Variants in GAS7 observed in about 807,000 individuals in gnomAD.
GAS7 encodes growth arrest specific 7.
Under a neutral mutation model 71.1 loss-of-function variants are expected in GAS7, and 28 were observed. The ratio of observed to expected loss-of-function variants is 0.39; its 90% CI spans 0.29 to 0.54. The LOEUF (loss-of-function observed/expected upper bound fraction) is 0.54, where lower values mean the gene tolerates loss of function less well. Ranked by LOEUF, GAS7 falls within the 20% of genes least tolerant of loss-of-function variation. GAS7 has a pLI of 0.62. For missense variants in GAS7, 436 were observed against 627.8 expected (o/e 0.69, Z 3.27); for synonymous variants, 258 against 245.8 (o/e 1.05, Z -0.46).
chr17:9,994,802 G>C (rs961880096), intron 2 of GAS7, among the ~76,000 whole-genome samples: 3 of 151,964 alleles, frequency 2.0e-5, no homozygotes, highest in Admixed American at 1.3e-4. Flanking sequence ...CTAATATCCA[G>C]AATCTACAAT....
rs574459519 is a variant in GAS7 at position 10,193,705 on chromosome 17, A to C, written c.183+4503T>G. On this transcript the variant is annotated intron_variant, in intron 1 of 13. Coordinates refer to ENST00000432992, the MANE Select transcript of GAS7 (RefSeq NM_201433.2). ...CTACATGGAGAAAGGCGCCACATGG[A>C]AGAACATCAAAGCACCAGACAGGTG... Among the ~76,000 whole-genome samples, 109 of 152,326 alleles carry C rather than the reference A, an allele frequency of 7.2e-4. 1 individual carries two copies. The highest frequency in any genetic ancestry group is 1.3e-3 in the Non-Finnish European group (87 of 68,028).
chr17:9,923,341 G>A (rs2067887069), intron 11 of GAS7, among the ~76,000 whole-genome samples: 2 of 149,668 alleles, frequency 1.3e-5, no homozygotes, highest in South Asian at 2.1e-4. Flanking sequence ...AAATATCACT[G>A]TACAGAAAAA....
Position 9,994,838 on chromosome 17 carries a change from AAAAC to A in GAS7, c.305-12958_305-12955del, listed in dbSNP as rs369124483. Among the ~76,000 whole-genome samples the A allele has an allele frequency of 1.5e-3, 233 of 152,332 alleles. 2 individuals are homozygous for A. Among genetic ancestry groups the A allele is most frequent in the African/African-American group, 4.9e-3 (202 of 41,568 alleles). On this transcript the variant is annotated intron_variant, in intron 2 of 13. Coordinates refer to ENST00000432992, the MANE Select transcript of GAS7 (RefSeq NM_201433.2). ...GAACTCAAACAAATTTACAAGAAAA[AAAAC>A]AAACAACCCCTTCCCAAAGTCTTAT...
At chr17:10,059,252 T>A (rs1302837538) in intron 1 of GAS7, among the ~76,000 whole-genome samples, 1 of 152,204 alleles carries the variant, frequency 6.6e-6, no homozygotes, top group Non-Finnish European at 1.5e-5. Context: ...AGGCTTCTCC[T>A]GAGAACTCTA....
At chr17:10,060,383 G>A (rs572611399) in intron 1 of GAS7, among the ~76,000 whole-genome samples, 1 of 152,290 alleles carries the variant, frequency 6.6e-6, no homozygotes, top group East Asian at 1.9e-4. Flanking sequence ...ATGACTCCGG[G>A]ATGTGCAACT....
At chr17:10,096,728 G>A (rs1019098724) in intron 1 of GAS7, among the ~76,000 whole-genome samples, 3 of 152,230 alleles carry the variant, frequency 2.0e-5, no homozygotes, top group Non-Finnish European at 2.9e-5. Flanking sequence ...TGGTCTCAGC[G>A]CAGGGAGGAT....
chr17:9,974,447 G>C lies in GAS7; in HGVS notation c.386-4685C>G, dbSNP rs148195497. ...GTGCTTCTGGGGCCTCCAGCCTCTG[G>C]GGGAAGAAAAATGAAATTGGTCAAG... On this transcript the variant is annotated intron_variant, in intron 3 of 13. Coordinates refer to ENST00000432992, the MANE Select transcript of GAS7 (RefSeq NM_201433.2). The surrounding 1 kb of genome is among the most constrained non-coding windows in gnomAD (Gnocchi z 4.0). Among the ~76,000 whole-genome samples, 785 of 149,628 alleles carry C rather than the reference G, an allele frequency of 5.2e-3. 4 individuals carry two copies. Among genetic ancestry groups the C allele is most frequent in the African/African-American group, 0.018 (759 of 41,386 alleles).
In GAS7 at chr17:10,016,602, CAAAAAAAAAA is replaced by C. The variant is rs1158379710; in HGVS notation, c.304+3165_304+3174del. On this transcript the variant is annotated intron_variant, in intron 2 of 13. Coordinates refer to ENST00000432992, the MANE Select transcript of GAS7 (RefSeq NM_201433.2). ...CAACATACTGAAACCCTGTCTCTAC[CAAAAAAAAAA>C]AAAAAAAAAAAACAAAACAAAAAAA... 1.7e-4 allele frequency among the ~76,000 whole-genome samples: 14 copies of C among 84,742 alleles called. No individual in the cohort carries two copies. The South Asian group carries it at 6.3e-3, about 38-fold the overall frequency. The allele number at this position is 84,742 out of a possible 152,430, so 55.6% of individuals were successfully genotyped here.
intron 1 of GAS7, among the ~76,000 whole-genome samples, chr17:10,082,249 C>A (rs1005769911): frequency 1.3e-5 from 2 of 152,074 alleles, no homozygotes; most frequent in African/African-American, 4.8e-5. Flanking sequence ...CATACCAACC[C>A]CAGAACAGTG....
At chr17:10,001,231 G>A (rs2152164800) in intron 2 of GAS7, among the ~76,000 whole-genome samples, 1 of 152,268 alleles carries the variant, frequency 6.6e-6, no homozygotes, top group African/African-American at 2.4e-5. Context: ...AGGAGCAAGA[G>A]GGTTATGCTA....
intron 1 of GAS7, among the ~76,000 whole-genome samples, chr17:10,191,621 A>G (rs954305279): frequency 1.3e-5 from 2 of 151,040 alleles, no homozygotes; most frequent in Non-Finnish European, 2.9e-5. Context: ...TCACGCCTGT[A>G]ATCCCAGCAC....
intron 1 of GAS7, among the ~76,000 whole-genome samples, chr17:10,098,040 T>C (rs2152259653): frequency 9.8e-6 from 1 of 101,872 alleles, no homozygotes; most frequent in East Asian, 2.3e-4. Context: ...CAAGACTCCA[T>C]CTCAAAAAAA....
chr17:10,162,204 G>A (rs539142842), intron 1 of GAS7, among the ~76,000 whole-genome samples: 58 of 149,558 alleles, frequency 3.9e-4, no homozygotes, highest in Non-Finnish European at 7.5e-4. Context: ...GACTTGGCTT[G>A]GGATTGTCCC....
At chr17:10,191,940 C>G (rs977384529) in intron 1 of GAS7, among the ~76,000 whole-genome samples, 7 of 151,418 alleles carry the variant, frequency 4.6e-5, no homozygotes, top group African/African-American at 1.7e-4. Context: ...ATTTGAGTAC[C>G]TAGAGGTTGA....
At chr17:10,072,779 G>A (rs940797263) in intron 1 of GAS7, among the ~76,000 whole-genome samples, 2 of 152,182 alleles carry the variant, frequency 1.3e-5, no homozygotes, top group African/African-American at 4.8e-5. Flanking sequence ...GAGGCTCAGG[G>A]AAGTGCTGGC....
chr17:10,161,947 T>G (rs1244471344), intron 1 of GAS7, among the ~76,000 whole-genome samples: 1 of 151,730 alleles, frequency 6.6e-6, no homozygotes, highest in African/African-American at 2.4e-5. Flanking sequence ...GGCGCCTGTA[T>G]TTCCAGCTAC....
At chr17:10,027,947 G>T (rs562849125) in intron 1 of GAS7, among the ~76,000 whole-genome samples, 2 of 152,180 alleles carry the variant, frequency 1.3e-5, no homozygotes, top group Non-Finnish European at 2.9e-5. Flanking sequence ...GCAGTGGCAC[G>T]ATCTCGGCTC....
Position 9,915,650 on chromosome 17 carries a change from C to T in GAS7, c.*1578G>A, listed in dbSNP as rs952907041. On this transcript the variant is annotated 3_prime_UTR_variant, in exon 14 of 14. Coordinates refer to ENST00000432992, the MANE Select transcript of GAS7 (RefSeq NM_201433.2). ...AAAAAATTAGAGATTAATAAGTCATCGGTTTCTAGCACGTTGACTGAAAGA... is the reference window on the plus strand; with the variant it reads ...AAAAAATTAGAGATTAATAAGTCATTGGTTTCTAGCACGTTGACTGAAAGA... The T allele has an allele frequency of 8.7e-6, 2 of 229,056 alleles. No homozygotes were observed. The highest frequency in any genetic ancestry group is 1.7e-5 in the Non-Finnish European group (2 of 115,556). 14.2% of individuals were successfully genotyped at this position (229,056 alleles called of 1,614,324 possible).
intron 2 of GAS7, among the ~76,000 whole-genome samples, chr17:10,005,192 CG>C (rs1326878386): frequency 2.1e-4 from 21 of 101,254 alleles, no homozygotes; most frequent in African/African-American, 1.5e-3. Flanking sequence ...TGTATGTGCA[CG>C]CATGCATGTG....
Sources: gnomAD v4.1 joint callset for allele counts (sites outside exome capture counted in the v4.1 genomes callset) on GRCh38, gnomAD v4.1.1 for gene constraint, Gnocchi (gnomAD v3.1) non-coding constraint, MANE v1.5 for transcripts, NCBI Gene and HGNC (gene_info 2026-07-23, HGNC 2026-07-21) for gene names.